Variants in THSD4 observed in about 807,000 individuals in gnomAD.
THSD4 encodes thrombospondin type-1 domain-containing protein 4.
In THSD4, 69 loss-of-function variants were observed where a neutral mutation model predicts 119.0. That is an observed-to-expected ratio of 0.58 (90% CI 0.48 to 0.71). The LOEUF is 0.71. THSD4 is among the 30% of genes least tolerant of loss of function. The pLI is 0.00. For missense variants in THSD4, 1,393 were observed against 1,391.1 expected, an observed-to-expected ratio of 1.00 and a Z score of -0.02; for synonymous variants, 524 against 540.4, an observed-to-expected ratio of 0.97 and a Z score of 0.42.
chr15:71,757,731 C>T, intron 14 of THSD4, 171 bp from the exon 15 acceptor site: 1 of 772,720 alleles, frequency 1.3e-6, no homozygotes, highest in Admixed American at 3.0e-5. Flanking sequence ...CAGAGAATTG[C>T]CATACTGATA....
chr15:71,211,943 A>G (rs1684658327), intron 3 of THSD4, among the ~76,000 whole-genome samples: 1 of 152,154 alleles, frequency 6.6e-6, no homozygotes, highest in South Asian at 2.1e-4. Context: ...TCCTAATTTT[A>G]GGAATATTAT....
chr15:71,202,432 C>G (rs2043811390), intron 3 of THSD4, among the ~76,000 whole-genome samples: 1 of 152,058 alleles, frequency 6.6e-6, no homozygotes, highest in Non-Finnish European at 1.5e-5. Context: ...ACCAAAATGC[C>G]CCACCAGCAA....
intron 8 of THSD4, among the ~76,000 whole-genome samples, chr15:71,676,375 G>T (rs1293777823): frequency 1.3e-5 from 2 of 151,976 alleles, no homozygotes; most frequent in Non-Finnish European, 2.9e-5. Context: ...TCTGCCTCCC[G>T]GGTTCAAGCG....
intron 8 of THSD4, among the ~76,000 whole-genome samples, chr15:71,672,243 A>T (rs2051546916): frequency 6.6e-6 from 1 of 152,026 alleles, no homozygotes; most frequent in African/African-American, 2.4e-5. Flanking sequence ...ATTCTCTTTG[A>T]AGCAATTGTG....
At chr15:71,630,597 G>A (rs1042176924) in intron 7 of THSD4, among the ~76,000 whole-genome samples, 1 of 152,176 alleles carries the variant, frequency 6.6e-6, no homozygotes, top group Non-Finnish European at 1.5e-5. Context: ...CATGAAGTCT[G>A]TAAGGATATG....
intron 7 of THSD4, among the ~76,000 whole-genome samples, chr15:71,513,325 C>T (rs893481200): frequency 4.6e-5 from 7 of 152,186 alleles, no homozygotes; most frequent in African/African-American, 1.7e-4. Context: ...CTAATTGGCT[C>T]CTCACCCTGT....
At chr15:71,742,571 C>T (rs1470991846) in intron 11 of THSD4, among the ~76,000 whole-genome samples, 5 of 152,170 alleles carry the variant, frequency 3.3e-5, no homozygotes, top group East Asian at 1.9e-4. Flanking sequence ...GAACTGATCT[C>T]GAATAGTTTT....
At chr15:71,696,734 G>A (rs2052172875) in intron 8 of THSD4, among the ~76,000 whole-genome samples, 1 of 152,190 alleles carries the variant, frequency 6.6e-6, no homozygotes, top group African/African-American at 2.4e-5. Flanking sequence ...TAACTAAAGA[G>A]AGAAAGAATA....
At chr15:71,531,148 C>G (rs540327194) in intron 7 of THSD4, among the ~76,000 whole-genome samples, 1 of 152,094 alleles carries the variant, frequency 6.6e-6, no homozygotes, top group Admixed American at 6.5e-5. Context: ...ACCAGAGGGT[C>G]ATAAGGAAGG....
At chr15:71,439,848 T>C (rs1866919) in intron 7 of THSD4, among the ~76,000 whole-genome samples, 5,174 of 151,974 alleles carry the variant, frequency 0.034, 292 homozygotes, top group African/African-American at 0.12. Flanking sequence ...GAACATCACA[T>C]ACTGGGGCCT....
At chr15:71,556,561 G>A (rs1441158954) in intron 7 of THSD4, among the ~76,000 whole-genome samples, 1 of 151,704 alleles carries the variant, frequency 6.6e-6, no homozygotes, top group Non-Finnish European at 1.5e-5. Flanking sequence ...ACCAGCCCTG[G>A]GTGAAACCCG....
At chr15:71,111,098 T>A (rs781243222), upstream of THSD4, 1 of 1,539,464 alleles carries the variant, frequency 6.5e-7, no homozygotes, top group Admixed American at 2.0e-5. Flanking sequence ...GGGGAAATAA[T>A]CTGAATATCT....
intron 7 of THSD4, among the ~76,000 whole-genome samples, chr15:71,473,775 A>G (rs1211596678): frequency 6.6e-6 from 1 of 152,228 alleles, no homozygotes; most frequent in East Asian, 1.9e-4. Context: ...CAAAGTCCCC[A>G]TGCATGCTGT....
chr15:71,585,392 A>G (rs1248283419), intron 7 of THSD4, among the ~76,000 whole-genome samples: 2 of 152,202 alleles, frequency 1.3e-5, no homozygotes, highest in African/African-American at 2.4e-5. Context: ...GGCACTCTGA[A>G]TATATCCTCA....
upstream of THSD4, chr15:71,112,078 T>C (rs1210441126): frequency 5.0e-6 from 8 of 1,609,012 alleles, no homozygotes; most frequent in South Asian, 6.7e-5. Context: ...CAGTTCCACA[T>C]GCCCTGAACT....
At chr15:71,174,891 A>T (rs368623031) in intron 3 of THSD4, among the ~76,000 whole-genome samples, 1 of 151,108 alleles carries the variant, frequency 6.6e-6, no homozygotes, top group Non-Finnish European at 1.5e-5. Flanking sequence ...ACACCTCACA[A>T]GGCAGGGTAT....
intron 3 of THSD4, among the ~76,000 whole-genome samples, chr15:71,176,043 G>A (rs1358159436): frequency 8.7e-6 from 1 of 115,478 alleles, no homozygotes; most frequent in Admixed American, 9.3e-5. Flanking sequence ...ATGCCAAAAT[G>A]TAAAGACCAT....
intron 7 of THSD4, among the ~76,000 whole-genome samples, chr15:71,534,138 C>T (rs2048656144): frequency 6.6e-6 from 1 of 152,130 alleles, no homozygotes; most frequent in Non-Finnish European, 1.5e-5. Flanking sequence ...GTTGTAGAGA[C>T]AGAGTCTCAC....
At chr15:71,108,876 C>T (rs1399057930) in intron 1 of THSD4, among the ~76,000 whole-genome samples, 3 of 152,106 alleles carry the variant, frequency 2.0e-5, no homozygotes, top group Non-Finnish European at 4.4e-5. Flanking sequence ...CCTGTAGTCC[C>T]AGCTACTCAG....
Sources: gnomAD v4.1 joint callset for allele counts (sites outside exome capture counted in the v4.1 genomes callset) on GRCh38, gnomAD v4.1.1 for gene constraint, MANE v1.5 for transcripts, NCBI Gene and HGNC (gene_info 2026-07-23, HGNC 2026-07-21) for gene names.